Variants in ADD1 observed in about 807,000 individuals in gnomAD.
ADD1 encodes adducin 1.
In ADD1, 24 loss-of-function variants were observed where a neutral mutation model predicts 80.5. The observed-to-expected ratio is 0.30, with a 90% CI of 0.22 to 0.42. The LOEUF is 0.42. Ranked by LOEUF, ADD1 falls within the 10% of genes least tolerant of loss-of-function variation. The probability of loss-of-function intolerance (pLI) is 1.00; values close to 1 mark genes in which losing one functional copy is unlikely to be tolerated. For synonymous variants in ADD1, 373 were observed against 393.8 expected (o/e 0.95, Z 0.63); for missense variants, 948 against 1,019.0 (o/e 0.93, Z 0.95).
intron 13 of ADD1, among the ~76,000 whole-genome samples, 185 bp downstream of exon 13, chr4:2,909,616 G>T (rs1360031582): frequency 2.0e-5 from 3 of 151,924 alleles, no homozygotes; most frequent in Non-Finnish European, 4.4e-5. Context: ...TAAAACATTT[G>T]CTATGAGGTG....
At position 2,899,269 on chromosome 4, in the gene ADD1, T is replaced by C; in HGVS notation, c.995T>C (p.Leu332Pro). Residue 332 changes from leucine (L) to proline (P), a missense_variant, in exon 9 of 16, where the codon CTG becomes CCG. Leu to Pro is a moderately conservative substitution (Grantham distance 98, BLOSUM62 -3). Transcript: ENST00000683351. ...VVACEIQVRT[L>P]ASAGGPDNLV... ...TGTGTTTTGGAAAAGGTTCGAACTC[T>C]GGCCAGTGCAGGAGGACCAGACAAC... is the stretch of plus-strand genomic sequence containing the variant. The C allele has an allele frequency of 5.6e-6, 9 of 1,609,976 alleles. No individual in the cohort carries two copies. The highest frequency in any genetic ancestry group is 7.6e-6 in the Non-Finnish European group (9 of 1,176,672).
In ADD1 at chr4:2,901,315, T is replaced by A. The variant is rs529919372; in HGVS notation, c.1161+1880T>A. On this transcript the variant is annotated intron_variant, in intron 9 of 15. Coordinates refer to ENST00000683351, the MANE Select transcript of ADD1 (RefSeq NM_001354761.2). ...CAGTGTGAGGGAGGAGAGAGGGGGG[T>A]CAGAATGCACAGCAGCCACCAAAGA... 3 of 151,510 alleles carry A rather than the reference T, an allele frequency of 2.0e-5. No homozygotes were observed. In the South Asian group the frequency reaches 6.3e-4, roughly 32 times the overall value. 9.4% of individuals were successfully genotyped at this position (151,510 alleles called of 1,614,324 possible). A position where few individuals can be genotyped will look rare whatever the true frequency, so the allele number is the denominator to read the frequency against.
intron 14 of ADD1, 116 bp downstream of exon 14, chr4:2,915,156 G>A (rs914911529): frequency 3.4e-6 from 4 of 1,170,896 alleles, no homozygotes; most frequent in Admixed American, 5.9e-5. Context: ...ATGCATCAAA[G>A]ACAAACCAGA....
chr4:2,860,747 G>A (rs1728717886), intron 1 of ADD1, among the ~76,000 whole-genome samples: 1 of 152,148 alleles, frequency 6.6e-6, no homozygotes, highest in Admixed American at 6.5e-5. Flanking sequence ...TATTTGTCAG[G>A]CACTTATTCT....
At chr4:2,876,361 A>G (rs1211024145) in intron 2 of ADD1, 4 of 330,098 alleles carry the variant, frequency 1.2e-5, no homozygotes, top group African/African-American at 8.5e-5. Flanking sequence ...TGACTTTTCT[A>G]GAGGGTCCTT....
intron 1 of ADD1, among the ~76,000 whole-genome samples, chr4:2,847,306 C>T (rs1474785598): frequency 6.7e-6 from 1 of 148,766 alleles, no homozygotes; most frequent in Non-Finnish European, 1.5e-5. Context: ...CTGTAATCCC[C>T]ACTACTAGGG....
chr4:2,855,130 A>T (rs894447654), intron 1 of ADD1: 1 of 152,192 alleles, frequency 6.6e-6, no homozygotes, highest in Admixed American at 6.5e-5. Flanking sequence ...GTAATCCAGG[A>T]TAATTTCACA....
chr4:2,928,563 G>C lies in ADD1; in HGVS notation c.*40G>C. On this transcript the variant is annotated 3_prime_UTR_variant, in exon 16 of 16. Transcript: ENST00000683351. ...CACTGTCCTGTCCGGAGCGACCCTG[G>C]CTCTGCCAGCGTCCCCGGCCACGTC... The C allele has an allele frequency of 6.3e-7, 1 of 1,579,496 alleles. No homozygotes were observed. The highest frequency in any genetic ancestry group is 8.6e-7 in the Non-Finnish European group (1 of 1,165,396).
At chr4:2,871,827 A>G (rs756748174) in intron 1 of ADD1, among the ~76,000 whole-genome samples, 11 of 152,236 alleles carry the variant, frequency 7.2e-5, no homozygotes, top group Non-Finnish European at 1.5e-4. Flanking sequence ...ATGTAAAACT[A>G]ATTTCTTAAT....
chr4:2,884,721 C>T, intron 4 of ADD1, 55 bp downstream of exon 4: 1 of 1,506,376 alleles, frequency 6.6e-7, no homozygotes, highest in Non-Finnish European at 9.0e-7. Flanking sequence ...TTGTGTCTGG[C>T]ACCACCTCTT....
At chr4:2,924,306 T>A (rs1362491101) in intron 14 of ADD1, among the ~76,000 whole-genome samples, 2 of 152,220 alleles carry the variant, frequency 1.3e-5, no homozygotes, top group African/African-American at 4.8e-5. Context: ...AGCCTATTCC[T>A]TGAGGGCTTT....
chr4:2,912,036 G>A (rs953426985), intron 13 of ADD1, among the ~76,000 whole-genome samples: 2 of 152,240 alleles, frequency 1.3e-5, no homozygotes, highest in Admixed American at 6.5e-5. Context: ...CCAGATCCAA[G>A]TTGGCCCTGC....
chr4:2,899,477 A>G (rs369359461), intron 9 of ADD1, 42 bp downstream of exon 9: 14 of 1,610,672 alleles, frequency 8.7e-6, no homozygotes, highest in African/African-American at 1.3e-5. Flanking sequence ...CTTTTGTTCT[A>G]AAAGCATCAG....
At position 2,915,012 on chromosome 4, in the gene ADD1, G is replaced by A; in HGVS notation, c.1920G>A (p.Glu640=). The change falls in exon 14 of 16, where the codon GAG becomes GAA. Residue 640 remains glutamate (E), a synonymous_variant. Transcript: ENST00000683351. ...TDRELEEYRR[E]VERKQKGSEE... ...GTGAGCTGGAGGAGTACCGCAGGGAGGTGGAGAGGAAGCAGAAGGGCTCTG... is the reference window on the plus strand; with the variant it reads ...GTGAGCTGGAGGAGTACCGCAGGGAAGTGGAGAGGAAGCAGAAGGGCTCTG... 1.2e-6 allele frequency: 2 copies of A among 1,613,814 alleles called. No homozygotes were observed. The highest frequency in any genetic ancestry group is 1.7e-6 in the Non-Finnish European group (2 of 1,179,844).
Position 2,881,913 on chromosome 4 carries a change from T to C in ADD1, c.211T>C (p.Leu71=), listed in dbSNP as rs1318811322. The change falls in exon 3 of 16, where the codon TTG becomes CTG. Residue 71 remains leucine, a synonymous_variant. Coordinates refer to ENST00000683351, the MANE Select transcript of ADD1 (RefSeq NM_001354761.2). ...ILQSPAFCEE[L]ESMIQEQFKK... ...TTTTTATTAGGCTTTCTGTGAAGAA[T>C]TGGAATCAATGATACAGGAGCAATT... 6.3e-7 allele frequency: 1 copy of C among 1,595,468 alleles called. No homozygotes were observed. The highest frequency in any genetic ancestry group is 1.4e-5 in the African/African-American group (1 of 73,720).
chr4:2,927,204 A>G (rs1711893048), intron 15 of ADD1, among the ~76,000 whole-genome samples: 1 of 152,206 alleles, frequency 6.6e-6, no homozygotes, highest in Non-Finnish European at 1.5e-5. Flanking sequence ...CAGCCACACC[A>G]TGCCCAGCAG....
chr4:2,902,838 A>G (rs914287510), intron 9 of ADD1: 2 of 151,896 alleles, frequency 1.3e-5, no homozygotes, highest in Non-Finnish European at 2.9e-5. Flanking sequence ...CGTCCTGGCT[A>G]ATACAGTGAA....
intron 4 of ADD1, among the ~76,000 whole-genome samples, chr4:2,890,017 G>A (rs1191261877): frequency 6.6e-6 from 1 of 151,466 alleles, no homozygotes; most frequent in Non-Finnish European, 1.5e-5. Context: ...TGGCCAACAT[G>A]TGAAACTCCG....
chr4:2,884,966 A>G (rs1307954125), intron 4 of ADD1, among the ~76,000 whole-genome samples: 1 of 152,210 alleles, frequency 6.6e-6, no homozygotes, highest in African/African-American at 2.4e-5. Context: ...CCTAAGAATG[A>G]TGATGTTTTC....
Sources: allele counts gnomAD v4.1 joint callset (sites outside exome capture counted in the v4.1 genomes callset), GRCh38; gene constraint gnomAD v4.1.1; transcripts MANE v1.5; gene names NCBI Gene and HGNC (gene_info 2026-07-23, HGNC 2026-07-21).